Variants in SFMBT2 observed in about 807,000 individuals in gnomAD.
SFMBT2 encodes the protein Scm like with four mbt domains 2, also known as scm-like with four MBT domains protein 2.
Under a neutral mutation model 110.1 loss-of-function variants are expected in SFMBT2, and 38 were observed. The observed-to-expected ratio is 0.35, with a 90% CI of 0.27 to 0.45. The LOEUF is 0.45. Among genes scored for constraint, SFMBT2 ranks in the 20% least tolerant of loss-of-function variants. The probability of loss-of-function intolerance (pLI) is 1.00; values close to 1 mark genes in which losing one functional copy is unlikely to be tolerated. For synonymous variants in SFMBT2, 425 were observed against 425.4 expected, an observed-to-expected ratio of 1.00 and a Z score of 0.01; for missense variants, 1,011 against 1,094.9, an observed-to-expected ratio of 0.92 and a Z score of 1.08.
At chr10:7,205,223 C>T (rs184423171) in intron 12 of SFMBT2, 18 of 216,924 alleles carry the variant, frequency 8.3e-5, no homozygotes, top group Non-Finnish European at 1.0e-4. Flanking sequence ...GCTGGAGACA[C>T]GTGTCACTCT....
intron 4 of SFMBT2, among the ~76,000 whole-genome samples, chr10:7,345,767 C>A (rs1448423822): frequency 3.9e-5 from 6 of 152,032 alleles, no homozygotes; most frequent in Non-Finnish European, 8.8e-5. Flanking sequence ...GAAGTGTGTC[C>A]TTCCCTTCTC....
chr10:7,174,240 C>T (rs776474770), intron 17 of SFMBT2, among the ~76,000 whole-genome samples: 9 of 152,180 alleles, frequency 5.9e-5, no homozygotes, highest in Non-Finnish European at 7.3e-5. Flanking sequence ...CTGCCGTGGG[C>T]GAGCATTGCT....
chr10:7,180,130 T>TA (rs2131552605), intron 16 of SFMBT2, among the ~76,000 whole-genome samples: 1 of 151,314 alleles, frequency 6.6e-6, no homozygotes, highest in South Asian at 2.1e-4. Context: ...TTGCTTTTTT[T>TA]TGCTTTTTTT....
intron 4 of SFMBT2, among the ~76,000 whole-genome samples, chr10:7,336,531 T>C (rs1247222440): frequency 6.6e-6 from 1 of 152,182 alleles, no homozygotes; most frequent in Non-Finnish European, 1.5e-5. Flanking sequence ...GGCTCAAACC[T>C]GTAACTCCAG....
intron 15 of SFMBT2, among the ~76,000 whole-genome samples, chr10:7,195,239 T>C (rs1025261884): frequency 1.3e-5 from 2 of 152,212 alleles, no homozygotes; most frequent in Non-Finnish European, 2.9e-5. Context: ...CCTGGCTTGA[T>C]TTCTGTTTGG....
intron 15 of SFMBT2, among the ~76,000 whole-genome samples, chr10:7,189,444 C>T (rs1212818305): frequency 6.6e-6 from 1 of 152,138 alleles, no homozygotes; most frequent in African/African-American, 2.4e-5. Flanking sequence ...ATACGATGTT[C>T]CTGTTAACCT....
In SFMBT2 at chr10:7,408,970, C is replaced by G. The variant is rs1846297621; in HGVS notation, c.-52+1891G>C. 6.6e-6 allele frequency among the ~76,000 whole-genome samples: 1 copy of G among 152,074 alleles called. No individual in the cohort carries two copies. The highest frequency in any genetic ancestry group is 1.5e-5 in the Non-Finnish European group (1 of 68,024). ...AGCAAGGGACAATTTCTTCCCCAAA[C>G]GCTGTCCCCATCCCCCACCTTCCCT... On this transcript the variant is annotated intron_variant, in intron 1 of 20. Transcript: ENST00000397167. This position sits in a 1 kb window ranked among gnomAD's most constrained non-coding sequence, Gnocchi z 5.7.
intron 1 of SFMBT2, among the ~76,000 whole-genome samples, 129 bp downstream of exon 1, chr10:7,410,732 C>CTT (rs34712597): frequency 0.057 from 7,953 of 138,716 alleles, 805 homozygotes; most frequent in African/African-American, 0.21. Flanking sequence ...GGCTTCCTTC[C>CTT]TTTTTTTTTT....
chr10:7,326,272 C>T (rs1006712223), intron 4 of SFMBT2, among the ~76,000 whole-genome samples: 2 of 152,252 alleles, frequency 1.3e-5, no homozygotes, highest in Non-Finnish European at 2.9e-5. Context: ...GCTCCATTCA[C>T]TGCACACATA....
rs77674761 is a variant in SFMBT2, at chr10:7,170,067, C to G, written c.2544+861G>C. ...CAGGTGGATACACTGTTCCCTCCTT[C>G]TCCCACTAGGCCTAAGTAAGATCCA... On this transcript the variant is annotated intron_variant, in intron 20 of 20. Coordinates refer to ENST00000397167, the MANE Select transcript of SFMBT2 (RefSeq NM_001387889.1). This position sits in a 1 kb window ranked among gnomAD's most constrained non-coding sequence, Gnocchi z 4.6. 0.021 allele frequency among the ~76,000 whole-genome samples: 3,265 copies of G among 152,288 alleles called. 43 individuals carry two copies. The highest frequency in any genetic ancestry group is 0.048 in the Middle Eastern group (14 of 294).
At chr10:7,297,838 G>A (rs1368002609) in intron 4 of SFMBT2, among the ~76,000 whole-genome samples, 2 of 152,216 alleles carry the variant, frequency 1.3e-5, no homozygotes, top group African/African-American at 4.8e-5. Flanking sequence ...TGACCTGGGT[G>A]AAAATGTGGC....
At chr10:7,214,851 A>G (rs1030420625) in intron 11 of SFMBT2, 110 of 747,390 alleles carry the variant, frequency 1.5e-4, no homozygotes, top group Non-Finnish European at 1.8e-4. Flanking sequence ...TTAATTTATA[A>G]CAGGGCTCCC....
chr10:7,224,434 T>C (rs903047433), intron 10 of SFMBT2, among the ~76,000 whole-genome samples: 13 of 152,214 alleles, frequency 8.5e-5, no homozygotes, highest in Non-Finnish European at 1.8e-4. Context: ...CCAGGATCTG[T>C]GGTTGCCCAA....
chr10:7,397,386 T>A (rs79634529), intron 1 of SFMBT2, among the ~76,000 whole-genome samples: 13 of 151,744 alleles, frequency 8.6e-5, no homozygotes, highest in Non-Finnish European at 1.2e-4. Flanking sequence ...TTTTTTTTTT[T>A]AATGACTCAG....
chr10:7,328,715 AAAT>A (rs1317121055), intron 4 of SFMBT2, among the ~76,000 whole-genome samples: 1 of 152,250 alleles, frequency 6.6e-6, no homozygotes, highest in Admixed American at 6.5e-5. Context: ...GTAAGTGCTG[AAAT>A]AATAATAGTC....
intron 1 of SFMBT2, among the ~76,000 whole-genome samples, chr10:7,386,511 G>T (rs901192973): frequency 6.6e-6 from 1 of 152,106 alleles, no homozygotes; most frequent in Admixed American, 6.5e-5. Context: ...AGGAGGCTGT[G>T]GCACAAGAAT....
chr10:7,276,861 G>GT, intron 7 of SFMBT2, 31 bp downstream of exon 7: 1 of 850,094 alleles, frequency 1.2e-6, no homozygotes, highest in Non-Finnish European at 2.1e-6. Flanking sequence ...CTCAAAAAGG[G>GT]TAGATACATT....
At position 7,385,808 on chromosome 10, in the gene SFMBT2, G is replaced by A. The variant is rs534908425; in HGVS notation, c.-51-3859C>T. On this transcript the variant is annotated intron_variant, in intron 1 of 20. Coordinates refer to ENST00000397167, the MANE Select transcript of SFMBT2 (RefSeq NM_001387889.1). ...AGGTCAGGAGATCAAGACCATCCTG[G>A]CTAACACGGTGAAACCCCGTCTCTA... is the stretch of plus-strand genomic sequence containing the variant. 5.1e-3 allele frequency among the ~76,000 whole-genome samples: 780 copies of A among 152,162 alleles called. 3 individuals are homozygous for A. Among genetic ancestry groups the A allele is most frequent in the Non-Finnish European group, 8.8e-3 (600 of 68,004 alleles).
intron 7 of SFMBT2, among the ~76,000 whole-genome samples, chr10:7,261,900 C>A (rs959971744): frequency 2.0e-5 from 3 of 152,188 alleles, no homozygotes; most frequent in Admixed American, 2.0e-4. Context: ...GGCGGAAGGA[C>A]GGAAGAGAGA....
Sources: allele counts gnomAD v4.1 joint callset (sites outside exome capture counted in the v4.1 genomes callset), GRCh38; gene constraint gnomAD v4.1.1; non-coding constraint Gnocchi (gnomAD v3.1); transcripts MANE v1.5; gene names NCBI Gene and HGNC (gene_info 2026-07-23, HGNC 2026-07-21).